The following KIF2C variants were observed in gnomAD, a reference collection of about 807,000 sequenced individuals.
KIF2C encodes kinesin-like protein KIF2C.
Under a neutral mutation model 97.4 loss-of-function variants are expected in KIF2C, and 34 were observed. The ratio of observed to expected loss-of-function variants is 0.35; its 90% CI spans 0.27 to 0.46. The LOEUF is 0.46. KIF2C is among the 20% of genes least tolerant of loss of function. The pLI, the probability that KIF2C is intolerant of heterozygous loss-of-function variation, is 1.00. For missense variants in KIF2C, 750 were observed against 907.6 expected (o/e 0.83, Z 2.23); for synonymous variants, 313 against 318.2 (o/e 0.98, Z 0.17).
intron 19 of KIF2C, among the ~76,000 whole-genome samples, chr1:44,764,581 C>G (rs1650350168): frequency 6.6e-6 from 1 of 151,966 alleles, no homozygotes; most frequent in African/African-American, 2.4e-5. Flanking sequence ...ACCATCTCGG[C>G]TCACCACAAC....
Position 44,767,157 on chromosome 1 carries a change from G to C in KIF2C, c.2156G>C (p.Ser719Thr), listed in dbSNP as rs779482036. 1.7e-5 allele frequency: 28 copies of C among 1,614,030 alleles called. No homozygotes were observed. The African/African-American group carries it at 2.7e-4, about 15-fold the overall frequency. ...GAAGAGCAGGCTAGCAGACAAATAA[G>C]CAGCAAGAAACGGCCCCAGTGACGA... ...QLEEQASRQISSKKRPQ is the reference protein window; with the variant it reads ...QLEEQASRQITSKKRPQ Residue 719 changes from serine to threonine, a missense_variant, in exon 21 of 21, where the codon AGC becomes ACC. Coordinates refer to ENST00000372224, the MANE Select transcript of KIF2C (RefSeq NM_006845.4).
chr1:44,756,425 ACC>A (rs1401260587), intron 10 of KIF2C, among the ~76,000 whole-genome samples, 188 bp downstream of exon 10: 11 of 151,398 alleles, frequency 7.3e-5, no homozygotes, highest in Admixed American at 7.2e-4. Context: ...ATGAGGTATC[ACC>A]CGTTACGTGC....
At position 44,762,663 on chromosome 1, in the gene KIF2C, G is replaced by A. The variant is rs770498082; in HGVS notation, c.1971+5G>A. On this transcript the variant is annotated splice_donor_5th_base_variant and intron_variant, in intron 19 of 20. Coordinates refer to ENST00000372224, the MANE Select transcript of KIF2C (RefSeq NM_006845.4). ...GAGCTCAAGGAGATCATACAGGTAG[G>A]CAGCTGGCCCTGGACAGGGAGCTGG... 5 of 1,600,852 alleles carry A rather than the reference G, an allele frequency of 3.1e-6. No individual in the cohort carries two copies. Among genetic ancestry groups the A allele is most frequent in the Non-Finnish European group, 4.3e-6 (5 of 1,168,200 alleles).
At chr1:44,746,065 C>T (rs1649181503) in intron 2 of KIF2C, among the ~76,000 whole-genome samples, 1 of 151,600 alleles carries the variant, frequency 6.6e-6, no homozygotes, top group Non-Finnish European at 1.5e-5. Flanking sequence ...TTAGTAGAGA[C>T]AGGGGTTTCA....
At position 44,759,336 on chromosome 1, in the gene KIF2C, G is replaced by A; in HGVS notation, c.1355G>A (p.Gly452Asp). The A allele has an allele frequency of 6.2e-7, 1 of 1,614,124 alleles. No homozygotes were observed. The highest frequency in any genetic ancestry group is 8.5e-7 in the Non-Finnish European group (1 of 1,180,012). ...ADDVIKMIDM[G>D]SACRTSGQTF... The stretch of plus-strand genomic sequence containing the variant: ...GATGTCATCAAGATGATCGACATGG[G>A]CAGCGCCTGCAGGTGAGAGTCCTGG... The change falls in exon 14 of 21, where the codon GGC becomes GAC. Residue 452 changes from glycine (G) to aspartate (D), a missense_variant. Physicochemically the swap from Gly to Asp is moderately conservative, Grantham distance 94 (BLOSUM62 -1). Transcript: ENST00000372224.
At position 44,753,121 on chromosome 1, in the gene KIF2C, T is replaced by C; in HGVS notation, c.440-11T>C. 2 of 1,607,074 alleles carry C rather than the reference T, an allele frequency of 1.2e-6. No individual in the cohort carries two copies. Among genetic ancestry groups the C allele is most frequent in the South Asian group, 1.1e-5 (1 of 90,548 alleles). The stretch of plus-strand genomic sequence containing the variant: ...TTGCCTGCTTCTCCAGTGACTCTTG[T>C]TCCCCTACAGCTGCCCCCACTAGGC... On this transcript the variant is annotated splice_polypyrimidine_tract_variant and intron_variant, in intron 5 of 20. Transcript: ENST00000372224.
At chr1:44,748,827 G>A (rs1438155948) in intron 4 of KIF2C, among the ~76,000 whole-genome samples, 5 of 151,086 alleles carry the variant, frequency 3.3e-5, no homozygotes, top group Admixed American at 1.3e-4. Flanking sequence ...GATTGCAGGC[G>A]CGAGCCACCA....
chr1:44,742,103 T>G (rs553760872), intron 2 of KIF2C, among the ~76,000 whole-genome samples: 17 of 151,856 alleles, frequency 1.1e-4, no homozygotes, highest in African/African-American at 1.7e-4. Flanking sequence ...TCTGGGTTTT[T>G]TTTGTTTGTT....
chr1:44,748,685 T>C (rs1177809512), intron 4 of KIF2C, among the ~76,000 whole-genome samples: 1 of 148,152 alleles, frequency 6.7e-6, no homozygotes, highest in Non-Finnish European at 1.5e-5. Flanking sequence ...GGACTACAGG[T>C]GTGCCCCATC....
Position 44,759,190 on chromosome 1 carries a change from C to T in KIF2C, c.1225-16C>T, listed in dbSNP as rs1289954458. 2 of 1,613,714 alleles carry T rather than the reference C, an allele frequency of 1.2e-6. No individual in the cohort carries two copies. The highest frequency in any genetic ancestry group is 1.7e-5 in the Admixed American group (1 of 59,992). ...GTGCCCAGTGGCCTTAGCCTCATTC[C>T]CCCTGCCTGGCACAGCTGTTTGACC... On this transcript the variant is annotated splice_polypyrimidine_tract_variant and intron_variant, in intron 13 of 20. Coordinates refer to ENST00000372224, the MANE Select transcript of KIF2C (RefSeq NM_006845.4).
chr1:44,750,573 C>A lies in KIF2C; in HGVS notation c.439+9C>A. On this transcript the variant is annotated intron_variant, in intron 5 of 20. Transcript: ENST00000372224. ...GCAGTTTTCAGTTCCTCGTGAGTAA[C>A]GAATGTGCCCCCAACCACCATGTTT... The A allele has an allele frequency of 6.6e-7, 1 of 1,523,960 alleles. No homozygotes were observed. Among genetic ancestry groups the A allele is most frequent in the Non-Finnish European group, 8.9e-7 (1 of 1,127,930 alleles). The allele number at this position is 1,523,960 out of a possible 1,614,324, so 94.4% of individuals were successfully genotyped here.
intron 2 of KIF2C, among the ~76,000 whole-genome samples, chr1:44,745,547 T>C (rs1373566873): frequency 5.5e-5 from 8 of 146,132 alleles, no homozygotes; most frequent in East Asian, 2.1e-4. Flanking sequence ...TATCTTGGCT[T>C]ACTGCAACCT....
intron 19 of KIF2C, among the ~76,000 whole-genome samples, chr1:44,763,431 G>A (rs951215854): frequency 6.6e-6 from 1 of 152,212 alleles, no homozygotes; most frequent in African/African-American, 2.4e-5. Flanking sequence ...ACAGAGTTTT[G>A]TAAGCACATG....
intron 13 of KIF2C, among the ~76,000 whole-genome samples, chr1:44,758,409 T>TC (rs1269718612): frequency 6.6e-6 from 1 of 152,142 alleles, no homozygotes; most frequent in Non-Finnish European, 1.5e-5. Context: ...TCGGCCGACC[T>TC]CCTTCATCCC....
At chr1:44,745,189 CA>C (rs77081893) in intron 2 of KIF2C, among the ~76,000 whole-genome samples, 3,247 of 117,704 alleles carry the variant, frequency 0.028, 59 homozygotes, top group Admixed American at 0.057. Context: ...AACTCCATCT[CA>C]AAAAAAAAAA....
At position 44,766,030 on chromosome 1, in the gene KIF2C, G is replaced by A. The variant is rs575907276; in HGVS notation, c.1972-796G>A. On this transcript the variant is annotated intron_variant, in intron 19 of 20. Transcript: ENST00000372224. ...TCACGCCACTGCACTCCAACCTGGC[G>A]ACAGAGCAAGACTCCGTCTTAAAGA... Among the ~76,000 whole-genome samples, 14 of 151,432 alleles carry A rather than the reference G, an allele frequency of 9.2e-5. 1 individual carries two copies. In the East Asian group the frequency reaches 2.0e-3, roughly 21 times the overall value.
rs1244219203 is a variant in KIF2C at position 44,767,225 on chromosome 1, C to T, written c.*46C>T. ...TTTGGTTTGACACCCAGCCTCTTCCCTGGCCCTCCCCAGAGAACTTTGGGT... is the reference window on the plus strand; with the variant it reads ...TTTGGTTTGACACCCAGCCTCTTCCTTGGCCCTCCCCAGAGAACTTTGGGT... On this transcript the variant is annotated 3_prime_UTR_variant, in exon 21 of 21. Coordinates refer to ENST00000372224, the MANE Select transcript of KIF2C (RefSeq NM_006845.4). 5 of 1,558,802 alleles carry T rather than the reference C, an allele frequency of 3.2e-6. No homozygotes were observed. The highest frequency in any genetic ancestry group is 4.4e-6 in the Non-Finnish European group (5 of 1,131,122).
chr1:44,756,167 T>C lies in KIF2C; in HGVS notation c.907T>C (p.Tyr303His). 1 of 1,614,222 alleles carries C rather than the reference T, an allele frequency of 6.2e-7. No homozygotes were observed. The highest frequency in any genetic ancestry group is 8.5e-7 in the Non-Finnish European group (1 of 1,180,040). ...CAAGTTGAAAGTGGACTTAACAAAG[T>C]ATCTGGAGAACCAAGCATTCTGCTT... ...EPKLKVDLTK[Y>H]LENQAFCFDF... Residue 303 changes from tyrosine to histidine, a missense_variant, in exon 10 of 21, where the codon TAT (tyrosine) becomes CAT (histidine). By Grantham distance (83) the Tyr-to-His change is moderately conservative. Transcript: ENST00000372224.
At chr1:44,747,619 C>T in intron 3 of KIF2C, 33 bp from the exon 4 acceptor site, 2 of 1,609,628 alleles carry the variant, frequency 1.2e-6, no homozygotes, top group East Asian at 2.2e-5. Context: ...TTGATAAGAG[C>T]CATATATTGT....
Sources: gnomAD v4.1 joint callset for allele counts (sites outside exome capture counted in the v4.1 genomes callset) on GRCh38, gnomAD v4.1.1 for gene constraint, MANE v1.5 for transcripts, NCBI Gene and HGNC (gene_info 2026-07-23, HGNC 2026-07-21) for gene names.